The following TMBIM4 variants were observed in gnomAD, a reference collection of about 807,000 sequenced individuals.
The protein encoded by TMBIM4 is protein lifeguard 4.
In TMBIM4, 28 loss-of-function variants were observed where a neutral mutation model predicts 27.7. The observed-to-expected ratio is 1.01, with a 90% CI of 0.75 to 1.38. The LOEUF (loss-of-function observed/expected upper bound fraction) is 1.38, where lower values mean the gene tolerates loss of function less well. Among genes scored for constraint, TMBIM4 ranks in the 40% most tolerant of loss-of-function variants. The probability of loss-of-function intolerance (pLI) is 0.00; values close to 1 mark genes in which losing one functional copy is unlikely to be tolerated. For synonymous variants in TMBIM4, 115 were observed against 113.1 expected (o/e 1.02, Z -0.11); for missense variants, 265 against 277.5 (o/e 0.95, Z 0.32).
At chr12:66,161,115 G>C (rs1057435442) in intron 1 of TMBIM4, 1 of 141,884 alleles carries the variant, frequency 7.0e-6, no homozygotes, top group South Asian at 2.4e-4. Flanking sequence ...CTTGCCCGAC[G>C]GGCCTTCTCA....
At chr12:66,154,648 T>C (rs772613418) in intron 1 of TMBIM4, among the ~76,000 whole-genome samples, 5 of 152,202 alleles carry the variant, frequency 3.3e-5, no homozygotes, top group Non-Finnish European at 7.3e-5. Context: ...TTGCCTATCA[T>C]GGCAATGCTC....
In TMBIM4 at chr12:66,136,507, A is replaced by T. The variant is rs986481107; in HGVS notation, c.*1453T>A. On this transcript the variant is annotated 3_prime_UTR_variant, in exon 7 of 7. Transcript: ENST00000358230. ...AGTCCCCCCAAAATTCACATGAAGAAATCCTAATCCCAGCACTTCAGAATG... is the reference window on the plus strand; with the variant it reads ...AGTCCCCCCAAAATTCACATGAAGATATCCTAATCCCAGCACTTCAGAATG... 6.5e-6 allele frequency: 1 copy of T among 154,266 alleles called. No individual in the cohort carries two copies. Among genetic ancestry groups the T allele is most frequent in the Admixed American group, 6.5e-5 (1 of 15,290 alleles). The allele number at this position is 154,266 out of a possible 1,614,324, so 9.6% of individuals were successfully genotyped here.
rs114843859 is a variant in TMBIM4 at position 66,139,876 on chromosome 12, G to A, written c.465-1107C>T. Among the ~76,000 whole-genome samples the A allele has an allele frequency of 8.7e-3, 1,325 of 152,246 alleles. 26 individuals are homozygous for A. The highest frequency in any genetic ancestry group is 0.03 in the African/African-American group (1,251 of 41,530). ...ACACAAGCTGGAGTAGAAAGACCTC[G>A]TAAGACATGCACTGAGTAGTATGCT... On this transcript the variant is annotated intron_variant, in intron 5 of 6. Coordinates refer to ENST00000358230, the MANE Select transcript of TMBIM4 (RefSeq NM_016056.4).
chr12:66,162,218 T>C (rs2052053136), intron 1 of TMBIM4, among the ~76,000 whole-genome samples: 1 of 152,224 alleles, frequency 6.6e-6, no homozygotes, highest in Non-Finnish European at 1.5e-5. Context: ...TCTGCAGTTT[T>C]GCTTTTCAAG....
At chr12:66,138,660 T>G in intron 6 of TMBIM4, 64 bp downstream of exon 6, 1 of 1,249,580 alleles carries the variant, frequency 8.0e-7, no homozygotes, top group Non-Finnish European at 1.1e-6. Context: ...TATAGCTTTT[T>G]GAGGTTATTT....
rs530234822 is a variant in TMBIM4, at chr12:66,150,377, TCTTC to T, written c.312+1890_312+1893del. Among the ~76,000 whole-genome samples, 81 of 151,950 alleles carry T rather than the reference TCTTC, an allele frequency of 5.3e-4. 1 individual carries two copies. In the East Asian group the frequency reaches 8.2e-3, roughly 15 times the overall value. On this transcript the variant is annotated intron_variant, in intron 3 of 6. Transcript: ENST00000358230. ...CCAATCAGATTCTTTCTCTCTCCTTTCTTCCTTCCTTCCTTCCTTTTCCTTTCTT... is the reference window on the plus strand; with the variant it reads ...CCAATCAGATTCTTTCTCTCTCCTTTCTTCCTTCCTTCCTTTTCCTTTCTT...
chr12:66,160,686 C>T (rs547998729), intron 1 of TMBIM4, among the ~76,000 whole-genome samples: 17 of 152,292 alleles, frequency 1.1e-4, no homozygotes, highest in East Asian at 3.9e-4. Flanking sequence ...ACTTTAATGT[C>T]GAAAATGCAA....
At chr12:66,141,138 T>C (rs978318830) in intron 5 of TMBIM4, among the ~76,000 whole-genome samples, 2 of 151,978 alleles carry the variant, frequency 1.3e-5, no homozygotes, top group African/African-American at 4.8e-5. Context: ...TCAAATGATA[T>C]TAGGTGGAAA....
intron 1 of TMBIM4, among the ~76,000 whole-genome samples, chr12:66,158,959 A>G (rs1358928270): frequency 6.6e-6 from 1 of 152,330 alleles, no homozygotes; most frequent in East Asian, 1.9e-4. Flanking sequence ...GTGAGCTTCA[A>G]CAACACCTGG....
rs543412380 is a variant in TMBIM4, at chr12:66,167,729, C to A, written c.97+2126G>T. ...CCTTAAATAATTAAAAATAGAACTA[C>A]CACACAATCCAGCAATTCCACTTCT... On this transcript the variant is annotated intron_variant, in intron 1 of 6. Transcript: ENST00000358230. Among the ~76,000 whole-genome samples the A allele has an allele frequency of 5.3e-5, 8 of 152,298 alleles. No individual in the cohort carries two copies. In the East Asian group the frequency reaches 1.5e-3, roughly 29 times the overall value.
At chr12:66,146,789 A>C (rs967586073) in intron 4 of TMBIM4, among the ~76,000 whole-genome samples, 5 of 152,114 alleles carry the variant, frequency 3.3e-5, no homozygotes, top group Admixed American at 3.3e-4. Context: ...CATGATTGGA[A>C]TTTCTCTGTT....
intron 1 of TMBIM4, among the ~76,000 whole-genome samples, chr12:66,158,444 T>G (rs547461083): frequency 9.9e-5 from 15 of 151,600 alleles, no homozygotes; most frequent in South Asian, 2.1e-4. Flanking sequence ...ATCAAGACCA[T>G]CCTGGCCAAC....
intron 1 of TMBIM4, among the ~76,000 whole-genome samples, chr12:66,158,241 AC>A (rs1258229254): frequency 6.6e-5 from 10 of 151,052 alleles, no homozygotes; most frequent in East Asian, 5.9e-4. Flanking sequence ...AAAAAAAAAA[AC>A]AAAAAAATGA....
chr12:66,152,499 G>A, intron 2 of TMBIM4, 123 bp from the exon 3 acceptor site: 1 of 536,900 alleles, frequency 1.9e-6, no homozygotes. Context: ...AATCTGGAAT[G>A]ATCCACACCA....
chr12:66,157,360 T>G (rs1339740641), intron 1 of TMBIM4, among the ~76,000 whole-genome samples: 1 of 152,070 alleles, frequency 6.6e-6, no homozygotes, highest in Non-Finnish European at 1.5e-5. Flanking sequence ...TGGGAGCACA[T>G]CCTTCACCCC....
At chr12:66,151,145 C>T (rs934658328) in intron 3 of TMBIM4, among the ~76,000 whole-genome samples, 2 of 148,796 alleles carry the variant, frequency 1.3e-5, no homozygotes, top group African/African-American at 2.5e-5. Flanking sequence ...CATTTTAACA[C>T]AAACTCATTA....
chr12:66,166,480 A>G (rs976800217), intron 1 of TMBIM4, among the ~76,000 whole-genome samples: 58 of 146,812 alleles, frequency 4.0e-4, no homozygotes, highest in East Asian at 5.8e-4. Flanking sequence ...AAAAAAAAAA[A>G]AAAAGAAAAA....
intron 3 of TMBIM4, among the ~76,000 whole-genome samples, chr12:66,150,373 C>G (rs2051825343): frequency 6.6e-6 from 1 of 151,880 alleles, no homozygotes; most frequent in Non-Finnish European, 1.5e-5. Context: ...CTTTCTCTCT[C>G]CTTTCTTCCT....
At chr12:66,146,884 C>T (rs528165668) in intron 4 of TMBIM4, among the ~76,000 whole-genome samples, 224 of 152,136 alleles carry the variant, frequency 1.5e-3, no homozygotes, top group Admixed American at 2.4e-3. Flanking sequence ...TTTAAGTATA[C>T]GATTAGGTTG....
Sources: gnomAD v4.1 joint callset for allele counts (sites outside exome capture counted in the v4.1 genomes callset) on GRCh38, gnomAD v4.1.1 for gene constraint, MANE v1.5 for transcripts, NCBI Gene and HGNC (gene_info 2026-07-23, HGNC 2026-07-21) for gene names.